The following C2CD3 variants were observed in gnomAD, a reference collection of about 807,000 sequenced individuals.
The protein encoded by C2CD3 is C2 domain-containing protein 3.
A neutral mutation model predicts 234.0 loss-of-function variants in C2CD3; 148 were observed. The ratio of observed to expected loss-of-function variants is 0.63; its 90% CI spans 0.55 to 0.72. The LOEUF (loss-of-function observed/expected upper bound fraction) is 0.72, where lower values mean the gene tolerates loss of function less well. Among genes scored for constraint, C2CD3 ranks in the 30% least tolerant of loss-of-function variants. C2CD3 has a pLI of 0.00. For missense variants in C2CD3, 2,577 were observed against 2,811.5 expected, an observed-to-expected ratio of 0.92 and a Z score of 1.89; for synonymous variants, 1,000 against 1,035.4, an observed-to-expected ratio of 0.97 and a Z score of 0.66.
Position 74,078,350 on chromosome 11 carries a change from T to C in C2CD3, c.4368A>G (p.Glu1456=). 2 of 1,614,188 alleles carry C rather than the reference T, an allele frequency of 1.2e-6. No individual in the cohort carries two copies. Among genetic ancestry groups the C allele is most frequent in the Non-Finnish European group, 1.7e-6 (2 of 1,180,042 alleles). ...AFWTPLKKPK[E]SVNKKQIMVT... ...CCATAATCTGCTTTTTGTTTACAGA[T>C]TCCTTAGGCTTCTTGAGAGGGGTCC... Residue 1456 remains glutamate, a synonymous_variant, in exon 23 of 33, where the codon GAA becomes GAG. Coordinates refer to ENST00000334126, the MANE Select transcript of C2CD3 (RefSeq NM_001286577.2).
chr11:74,150,508 A>AC (rs1565348077), intron 3 of C2CD3, among the ~76,000 whole-genome samples: 60 of 76,226 alleles, frequency 7.9e-4, no homozygotes, highest in African/African-American at 2.6e-3. Context: ...AAAAAAAAAA[A>AC]AAAAAAACAA....
At chr11:74,093,113 CTCGCATGTGGATGGTACTCATCCCTAGT>C in intron 18 of C2CD3, among the ~76,000 whole-genome samples, 1 of 151,982 alleles carries the variant, frequency 6.6e-6, no homozygotes, top group East Asian at 1.9e-4. Flanking sequence ...GGAAAGTGTT[CTCGCATGTGGATGGTACTCATCCCTAGT>C]TCTGTTCCTG....
Position 74,033,830 on chromosome 11 carries a change from G to C in C2CD3, c.6330C>G (p.Pro2110=), listed in dbSNP as rs1299996610. Residue 2110 remains proline (P), a synonymous_variant, in exon 31 of 33, where the codon CCC becomes CCG. Transcript: ENST00000334126. ...AGAAAGGCCCTGGAGAAGGACAAGAGGGGCCTTCCCTCTGCACCTCGTCAG... is the reference window on the plus strand; with the variant it reads ...AGAAAGGCCCTGGAGAAGGACAAGACGGGCCTTCCCTCTGCACCTCGTCAG... The part of the protein sequence containing the change: ...PQPDEVQREG[P]SCPSPGPFCR... 1 of 1,536,088 alleles carries C rather than the reference G, an allele frequency of 6.5e-7. No individual in the cohort carries two copies.
chr11:74,096,132 C>T (rs1956096907), intron 16 of C2CD3, among the ~76,000 whole-genome samples: 1 of 152,164 alleles, frequency 6.6e-6, no homozygotes. Context: ...TACCAAACAG[C>T]TCACCTTCAT....
At chr11:74,132,149 G>A (rs536259596) in intron 7 of C2CD3, among the ~76,000 whole-genome samples, 2 of 152,146 alleles carry the variant, frequency 1.3e-5, no homozygotes, top group Admixed American at 6.5e-5. Flanking sequence ...TCAAGAGTTC[G>A]AGACCAGCCT....
In C2CD3 at chr11:74,138,750, T is replaced by C; in HGVS notation, c.925A>G (p.Asn309Asp). ...AGAAGATCCTTGGTAGGGAGGTTGT[T>C]TGAAGAAAGAATGCATGAGTCACTG... The part of the protein sequence containing the change: ...SHSDSCILSS[N>D]NLPTKDLLSA... The change falls in exon 5 of 33, where the codon AAC (asparagine) becomes GAC (aspartate). Residue 309 changes from asparagine to aspartate, a missense_variant. Coordinates refer to ENST00000334126, the MANE Select transcript of C2CD3 (RefSeq NM_001286577.2). The C allele has an allele frequency of 6.2e-7, 1 of 1,613,120 alleles. No individual in the cohort carries two copies. The highest frequency in any genetic ancestry group is 8.5e-7 in the Non-Finnish European group (1 of 1,179,096).
chr11:74,116,816 A>G (rs1038486827), intron 9 of C2CD3, among the ~76,000 whole-genome samples: 15 of 132,506 alleles, frequency 1.1e-4, no homozygotes, highest in African/African-American at 4.2e-4. Flanking sequence ...ATATATACAC[A>G]CACATATATA....
At position 74,139,785 on chromosome 11, in the gene C2CD3, T is replaced by C. The variant is rs1590918529; in HGVS notation, c.527A>G (p.Tyr176Cys). 6.2e-7 allele frequency: 1 copy of C among 1,613,564 alleles called. No individual in the cohort carries two copies. The highest frequency in any genetic ancestry group is 8.5e-7 in the Non-Finnish European group (1 of 1,179,614). The change falls in exon 4 of 33, where the codon TAC becomes TGC. Residue 176 changes from tyrosine to cysteine, a missense_variant. Coordinates refer to ENST00000334126, the MANE Select transcript of C2CD3 (RefSeq NM_001286577.2). ...CATGTCAGTGGTAGGAAGTGGATGGTAGCTGTCGTAAGTTTCTGACAGAGG... is the reference window on the plus strand; with the variant it reads ...CATGTCAGTGGTAGGAAGTGGATGGCAGCTGTCGTAAGTTTCTGACAGAGG... ...LEPLSETYDSYHPLPTTDMTE... is the reference protein window; with the variant it reads ...LEPLSETYDSCHPLPTTDMTE...
At chr11:74,138,114 T>C (rs988505688) in intron 5 of C2CD3, among the ~76,000 whole-genome samples, 4 of 152,220 alleles carry the variant, frequency 2.6e-5, no homozygotes, top group African/African-American at 4.8e-5. Context: ...TGGTTGACCA[T>C]TACAGTGTAA....
chr11:74,160,038 T>G (rs1392632382), intron 3 of C2CD3, among the ~76,000 whole-genome samples: 1 of 152,222 alleles, frequency 6.6e-6, no homozygotes, highest in East Asian at 1.9e-4. Context: ...GTGTTATAAC[T>G]GCCTTCATTG....
Position 74,057,523 on chromosome 11 carries a change from T to C in C2CD3, c.4973A>G (p.Lys1658Arg), listed in dbSNP as rs1954012180. ...SLKGSPLTER[K>R]VSIPSCCVSF... ...TACACAACAACTGGGTATCGATACT[T>C]TCCGCTCTGTCAAGGGGCTCCCTGA... is the stretch of plus-strand genomic sequence containing the variant. Residue 1658 changes from lysine to arginine, a missense_variant, in exon 25 of 33, where the codon AAA (lysine) becomes AGA (arginine). Transcript: ENST00000334126. 1 of 1,614,134 alleles carries C rather than the reference T, an allele frequency of 6.2e-7. No homozygotes were observed. The highest frequency in any genetic ancestry group is 8.5e-7 in the Non-Finnish European group (1 of 1,179,986).
At chr11:74,144,097 A>G (rs1854994817) in intron 3 of C2CD3, among the ~76,000 whole-genome samples, 1 of 152,164 alleles carries the variant, frequency 6.6e-6, no homozygotes, top group African/African-American at 2.4e-5. Flanking sequence ...AAAGTGAAAT[A>G]TTTGTGTTCA....
At chr11:74,079,755 G>C (rs1460652508) in intron 22 of C2CD3, among the ~76,000 whole-genome samples, 1 of 152,020 alleles carries the variant, frequency 6.6e-6, no homozygotes, top group Non-Finnish European at 1.5e-5. Flanking sequence ...TGGCTCTAAA[G>C]TCTACATTCC....
chr11:74,039,729 G>A (rs919093235), intron 29 of C2CD3, among the ~76,000 whole-genome samples: 14 of 152,284 alleles, frequency 9.2e-5, no homozygotes, highest in Non-Finnish European at 1.8e-4. Flanking sequence ...GTTGGTAGAG[G>A]CCAGGGATGC....
chr11:74,117,625 A>G (rs922423129), intron 9 of C2CD3, among the ~76,000 whole-genome samples: 7 of 151,674 alleles, frequency 4.6e-5, no homozygotes, highest in Admixed American at 1.3e-4. Flanking sequence ...AAAGACTACT[A>G]ATTGGAGGCC....
At position 74,035,119 on chromosome 11, in the gene C2CD3, G is replaced by T. The variant is rs553692105; in HGVS notation, c.5882-841C>A. ...ACTGAAGGCAAATTTGATTCCTGGGGAATAGGGGTCACATCTCCCTCACAG... is the reference window on the plus strand; with the variant it reads ...ACTGAAGGCAAATTTGATTCCTGGGTAATAGGGGTCACATCTCCCTCACAG... On this transcript the variant is annotated intron_variant, in intron 30 of 32. Transcript: ENST00000334126. Among the ~76,000 whole-genome samples the T allele has an allele frequency of 3.6e-4, 55 of 152,290 alleles. No homozygotes were observed. In the South Asian group the frequency reaches 7.1e-3, roughly 20 times the overall value.
At chr11:74,131,322 C>CAAAA (rs60280021) in intron 7 of C2CD3, among the ~76,000 whole-genome samples, 1 of 100,886 alleles carries the variant, frequency 9.9e-6, no homozygotes, top group Non-Finnish European at 2.1e-5. Context: ...GACTCGGTCT[C>CAAAA]AAAAAAAAAA....
At chr11:74,150,219 T>C (rs1855505139) in intron 3 of C2CD3, among the ~76,000 whole-genome samples, 1 of 151,678 alleles carries the variant, frequency 6.6e-6, no homozygotes, top group Non-Finnish European at 1.5e-5. Context: ...GGCTCACGCC[T>C]GTAATCCTAG....
intron 8 of C2CD3, among the ~76,000 whole-genome samples, chr11:74,121,681 C>T (rs1409765739): frequency 6.6e-6 from 1 of 150,528 alleles, no homozygotes; most frequent in African/African-American, 2.4e-5. Flanking sequence ...CTATTAGTTT[C>T]AGCCATAAAA....
Sources: gnomAD v4.1 joint callset for allele counts (sites outside exome capture counted in the v4.1 genomes callset) on GRCh38, gnomAD v4.1.1 for gene constraint, MANE v1.5 for transcripts, NCBI Gene and HGNC (gene_info 2026-07-23, HGNC 2026-07-21) for gene names.